The following ZNF438 variants were observed in gnomAD, a reference collection of about 807,000 sequenced individuals.
The protein encoded by ZNF438 is zinc finger protein 438.
In ZNF438, 25 loss-of-function variants were observed where a neutral mutation model predicts 38.0. That is an observed-to-expected ratio of 0.66 (90% CI 0.48 to 0.92). ZNF438 has a LOEUF of 0.92. ZNF438 is among the 40% of genes least tolerant of loss of function. ZNF438 has a pLI of 0.00. For missense variants in ZNF438, 1,007 were observed against 999.6 expected, an observed-to-expected ratio of 1.01 and a Z score of -0.10; for synonymous variants, 372 against 364.1, an observed-to-expected ratio of 1.02 and a Z score of -0.25.
intron 1 of ZNF438, among the ~76,000 whole-genome samples, chr10:30,994,318 T>C (rs182638488): frequency 3.3e-5 from 5 of 152,340 alleles, no homozygotes; most frequent in Non-Finnish European, 5.9e-5. Flanking sequence ...TATTGGAAAC[T>C]TGGTCCTGAA....
rs565086818 is a variant in ZNF438 at position 30,863,097 on chromosome 10, T to C, written c.38-12730A>G. 2.0e-5 allele frequency among the ~76,000 whole-genome samples: 3 copies of C among 152,310 alleles called. No homozygotes were observed. In the South Asian group the frequency reaches 6.2e-4, roughly 32 times the overall value. ...CTCAGCTTTTATGTCAAATAGTTCA[T>C]GATTTGTAAGTACAAATGCACAAGG... On this transcript the variant is annotated intron_variant, in intron 4 of 5. Transcript: ENST00000413025.
intron 4 of ZNF438, among the ~76,000 whole-genome samples, chr10:30,873,720 T>C (rs1027531329): frequency 5.3e-5 from 8 of 152,230 alleles, no homozygotes; most frequent in Non-Finnish European, 8.8e-5. Context: ...CTCTGTATGA[T>C]TTACCTTTGG....
chr10:31,010,883 A>G (rs943951478), intron 1 of ZNF438, among the ~76,000 whole-genome samples: 1 of 136,788 alleles, frequency 7.3e-6, no homozygotes, highest in African/African-American at 3.1e-5. Flanking sequence ...ACGAAGTGAG[A>G]CCCTGTTTGA....
At chr10:30,847,555 AAG>A (rs1423831565) in intron 5 of ZNF438, among the ~76,000 whole-genome samples, 1 of 152,206 alleles carries the variant, frequency 6.6e-6, no homozygotes, top group African/African-American at 2.4e-5. Context: ...TGGTGGGGCT[AAG>A]AGAGCTGTAA....
chr10:30,919,500 T>C (rs185345534), intron 2 of ZNF438: 2 of 152,374 alleles, frequency 1.3e-5, no homozygotes, highest in Admixed American at 6.5e-5. Context: ...TGGCCAGCGC[T>C]GAACCTACTT....
intron 1 of ZNF438, among the ~76,000 whole-genome samples, chr10:30,965,606 G>C (rs551678330): frequency 6.6e-6 from 1 of 152,326 alleles, no homozygotes; most frequent in East Asian, 1.9e-4. Flanking sequence ...GTCCTTGGCA[G>C]CAACATGGAT....
At chr10:30,975,799 T>C (rs2051272378) in intron 1 of ZNF438, among the ~76,000 whole-genome samples, 1 of 152,170 alleles carries the variant, frequency 6.6e-6, no homozygotes, top group African/African-American at 2.4e-5. Context: ...TTTTGATAAA[T>C]ACTTGAAAAA....
intron 5 of ZNF438, among the ~76,000 whole-genome samples, chr10:30,847,389 C>T (rs915592108): frequency 3.9e-5 from 6 of 152,132 alleles, no homozygotes; most frequent in African/African-American, 7.2e-5. Context: ...CAAGAGATGA[C>T]GGGGAAAACC....
intron 1 of ZNF438, among the ~76,000 whole-genome samples, chr10:31,008,092 T>C (rs2055331317): frequency 1.3e-5 from 2 of 152,338 alleles, no homozygotes; most frequent in African/African-American, 4.8e-5. Context: ...ATATTTTATA[T>C]TGCTGAGTTA....
At chr10:30,949,370 A>G (rs2047872641) in intron 1 of ZNF438, among the ~76,000 whole-genome samples, 1 of 152,240 alleles carries the variant, frequency 6.6e-6, no homozygotes, top group Non-Finnish European at 1.5e-5. Flanking sequence ...AGCTAACATC[A>G]TCATGACAGG....
At chr10:31,005,047 C>T (rs1451936215) in intron 1 of ZNF438, among the ~76,000 whole-genome samples, 2 of 152,162 alleles carry the variant, frequency 1.3e-5, no homozygotes, top group African/African-American at 4.8e-5. Context: ...AAAAACCATA[C>T]AGAGGTTCCT....
rs58092615 is a variant in ZNF438 at position 30,928,439 on chromosome 10, C to T, written c.-115+13136G>A. ...AGGGAAGACAAAAACTAATACTCTA[C>T]ATTGAAACTTTGTTATTTATCATGA... On this transcript the variant is annotated intron_variant, in intron 2 of 5. Coordinates refer to ENST00000413025, the Ensembl canonical transcript of ZNF438. 2.0e-3 allele frequency among the ~76,000 whole-genome samples: 310 copies of T among 152,004 alleles called. 1 individual carries two copies. Among genetic ancestry groups the T allele is most frequent in the African/African-American group, 7.0e-3 (290 of 41,486 alleles).
intron 2 of ZNF438, among the ~76,000 whole-genome samples, chr10:30,930,833 A>AAAAAAAAAAAAAAAAACAAAAAAAAAAC (rs2045596383): frequency 8.9e-6 from 1 of 112,908 alleles, no homozygotes; most frequent in Non-Finnish European, 1.9e-5. Flanking sequence ...AAAAAAAAAA[A>AAAAAAAAAAAAAAAAACAAAAAAAAAAC]AGCAAATGGT....
At chr10:30,999,715 C>T (rs2054449117) in intron 1 of ZNF438, among the ~76,000 whole-genome samples, 1 of 152,162 alleles carries the variant, frequency 6.6e-6, no homozygotes, top group African/African-American at 2.4e-5. Context: ...CGATTCTTTA[C>T]ACATATTTAT....
chr10:30,880,431 A>T (rs1484754946), intron 3 of ZNF438, among the ~76,000 whole-genome samples: 1 of 31,366 alleles, frequency 3.2e-5, no homozygotes, highest in African/African-American at 8.7e-5. Flanking sequence ...AATTCTATCT[A>T]AAAAAAAAAA....
rs560102335 is a variant in ZNF438 at position 31,007,389 on chromosome 10, C to T, written c.-192+24444G>A. ...CTCCACCTTCCAGGTTCAAGCGATT[C>T]TCCTGTCTCAGCCTCCTGAGTAGCT... On this transcript the variant is annotated intron_variant, in intron 1 of 5. Transcript: ENST00000413025. Among the ~76,000 whole-genome samples the T allele has an allele frequency of 5.4e-5, 8 of 147,026 alleles. No individual in the cohort carries two copies. In the South Asian group the frequency reaches 1.8e-3, roughly 32 times the overall value.
Position 30,848,521 on chromosome 10 carries a change from T to G in ZNF438, c.1874+10A>C, listed in dbSNP as rs190620131. On this transcript the variant is annotated intron_variant, in intron 5 of 5. Transcript: ENST00000413025. ...CTCTCTTGCCAGGTCTCCATTACAT[T>G]GGCACTCACCTCTCCAATGATCCCT... is the stretch of plus-strand genomic sequence containing the variant. 20 of 1,602,124 alleles carry G rather than the reference T, an allele frequency of 1.2e-5. No homozygotes were observed. In the African/African-American group the frequency reaches 2.4e-4, roughly 19 times the overall value.
rs370209196 is a variant in ZNF438, at chr10:30,849,408, T to C, written c.997A>G (p.Thr333Ala). 126 of 1,614,216 alleles carry C rather than the reference T, an allele frequency of 7.8e-5. No homozygotes were observed. The highest frequency in any genetic ancestry group is 5.5e-4 in the South Asian group (50 of 91,084). ...TTGGTGGCTGCATTAAAGCCTTCTGTGGTGGAGGGTATCTTATCACAGTCG... is the reference window on the plus strand; with the variant it reads ...TTGGTGGCTGCATTAAAGCCTTCTGCGGTGGAGGGTATCTTATCACAGTCG... Residue 333 changes from threonine to alanine, a missense_variant, in exon 5 of 6, where the codon ACA becomes GCA. Coordinates refer to ENST00000413025, the Ensembl canonical transcript of ZNF438.
At position 30,848,800 on chromosome 10, in the gene ZNF438, G is replaced by C. The variant is rs1486114638; in HGVS notation, c.1605C>G (p.Tyr535Ter). The stretch of plus-strand genomic sequence containing the variant: ...AGGACTTGCGACAAATCCGACAACT[G>C]TAAGGGCGTCTGTTGGTGTGTGTAT... Residue 535 changes from tyrosine (Y) to a stop codon, truncating the protein, a stop_gained, in exon 5 of 6, where the codon TAC becomes TAG. Coordinates refer to ENST00000413025, the Ensembl canonical transcript of ZNF438. LOFTEE classifies it high-confidence loss of function. 6.2e-7 allele frequency: 1 copy of C among 1,614,228 alleles called. No individual in the cohort carries two copies. Among genetic ancestry groups the C allele is most frequent in the Non-Finnish European group, 8.5e-7 (1 of 1,180,046 alleles).
Sources: gnomAD v4.1 joint callset for allele counts (sites outside exome capture counted in the v4.1 genomes callset) on GRCh38, gnomAD v4.1.1 for gene constraint, MANE v1.5 for transcripts, NCBI Gene and HGNC (gene_info 2026-07-23, HGNC 2026-07-21) for gene names.